PCDHGB2: variants seen among roughly 807,000 people sequenced by gnomAD.
PCDHGB2 encodes protocadherin gamma-B2.
PCDHGB2 carries 55 observed loss-of-function variants against 59.3 expected under a neutral mutation model. That is an observed-to-expected ratio of 0.93 (90% CI 0.75 to 1.16). PCDHGB2 has a LOEUF of 1.16. Ranked by LOEUF, PCDHGB2 falls within the 50% of genes most tolerant of loss-of-function variation. The pLI, the probability that PCDHGB2 is intolerant of heterozygous loss-of-function variation, is 0.00. For missense variants in PCDHGB2, 1,228 were observed against 1,198.5 expected, an observed-to-expected ratio of 1.02 and a Z score of -0.36; for synonymous variants, 516 against 512.0, an observed-to-expected ratio of 1.01 and a Z score of -0.11.
At chr5:141,418,478 G>T (rs777772131) in intron 1 of PCDHGB2, 1 of 1,613,858 alleles carries the variant, frequency 6.2e-7, no homozygotes, top group Non-Finnish European at 8.5e-7. Flanking sequence ...AACGCAGAGC[G>T]CTCACCACTT....
intron 1 of PCDHGB2, chr5:141,423,913 C>T: frequency 7.9e-7 from 1 of 1,269,552 alleles, no homozygotes; most frequent in Non-Finnish European, 1.0e-6. Context: ...AGGGGCCATT[C>T]AACTATGCTG....
intron 1 of PCDHGB2, chr5:141,410,459 A>C (rs2095396770): frequency 6.2e-7 from 1 of 1,613,864 alleles, no homozygotes; most frequent in Admixed American, 1.7e-5. Context: ...TTATTCTTAT[A>C]ATCTGTGCAT....
intron 1 of PCDHGB2, chr5:141,420,411 T>C: frequency 8.1e-7 from 1 of 1,229,398 alleles, no homozygotes; most frequent in Non-Finnish European, 1.1e-6. Context: ...ATGGTTATCA[T>C]TATTAAAACA....
chr5:141,479,860 C>T (rs1374284598), intron 1 of PCDHGB2, among the ~76,000 whole-genome samples: 2 of 152,108 alleles, frequency 1.3e-5, no homozygotes, highest in Admixed American at 6.5e-5. Context: ...AAGGCCTTTG[C>T]CCTGGAGAGA....
rs1421541308 is a variant in PCDHGB2 at position 141,409,559 on chromosome 5, G to C, written c.2421+47003G>C. On this transcript the variant is annotated intron_variant, in intron 1 of 3. Coordinates refer to ENST00000522605, the MANE Select transcript of PCDHGB2 (RefSeq NM_018923.3). The stretch of plus-strand genomic sequence containing the variant: ...CATCAACGACAACGCCCCAGTTTTC[G>C]ACCAGACGTCCTACGTGGTCCACGT... The C allele has an allele frequency of 1.9e-6, 3 of 1,613,936 alleles. No individual in the cohort carries two copies. The highest frequency in any genetic ancestry group is 1.7e-6 in the Non-Finnish European group (2 of 1,179,910).
intron 1 of PCDHGB2, chr5:141,384,681 G>A (rs1373910602): frequency 6.2e-7 from 1 of 1,614,180 alleles, no homozygotes; most frequent in South Asian, 1.1e-5. Context: ...TGGTGGCGGT[G>A]GACAAAGATT....
chr5:141,400,452 A>C, intron 1 of PCDHGB2: 3 of 1,614,038 alleles, frequency 1.9e-6, no homozygotes, highest in Non-Finnish European at 2.5e-6. Context: ...GACAAGACAT[A>C]CTTTGTGGTG....
rs1762339716 is a variant in PCDHGB2 at position 141,362,123 on chromosome 5, T to C, written c.1988T>C (p.Ile663Thr). ...PLSATATLHL[I>T]FADSLQEVLP... Reference sequence around the variant, plus strand: ...TCCGCTACGGCCACGCTGCACCTAATCTTCGCGGATAGCCTGCAAGAGGTA... The same window carrying C: ...TCCGCTACGGCCACGCTGCACCTAACCTTCGCGGATAGCCTGCAAGAGGTA... The change falls in exon 1 of 4, where the codon ATC becomes ACC. Residue 663 changes from isoleucine to threonine, a missense_variant. By Grantham distance (89) the Ile-to-Thr change is moderately conservative. Around this residue, in one of 3 missense-constraint regions of PCDHGB2, gnomAD observed 433 missense variants for 441.8 expected, o/e 0.98. Transcript: ENST00000522605. 1 of 1,613,882 alleles carries C rather than the reference T, an allele frequency of 6.2e-7. No homozygotes were observed. The highest frequency in any genetic ancestry group is 1.3e-5 in the African/African-American group (1 of 74,930).
intron 1 of PCDHGB2, 116 bp downstream of exon 1, chr5:141,362,672 T>A: frequency 8.1e-7 from 1 of 1,241,688 alleles, no homozygotes; most frequent in Non-Finnish European, 1.1e-6. Context: ...TGTTGTGCCT[T>A]AATTGTCTTA....
In PCDHGB2 at chr5:141,362,185, C is replaced by G; in HGVS notation, c.2050C>G (p.Pro684Ala). The change falls in exon 1 of 4, where the codon CCC becomes GCC. Residue 684 changes from proline to alanine, a missense_variant. Pro to Ala is a conservative substitution (Grantham distance 27). Coordinates refer to ENST00000522605, the MANE Select transcript of PCDHGB2 (RefSeq NM_018923.3). Reference protein sequence around the residue: ...DLSDRREPSDPQAKLQFYLVV... With the variant: ...DLSDRREPSDAQAKLQFYLVV... Reference sequence around the variant, plus strand: ...CAGCGACCGCCGGGAGCCCTCTGACCCCCAGGCAAAACTGCAGTTTTACCT... The same window carrying G: ...CAGCGACCGCCGGGAGCCCTCTGACGCCCAGGCAAAACTGCAGTTTTACCT... 6.2e-7 allele frequency: 1 copy of G among 1,614,022 alleles called. No homozygotes were observed.
At chr5:141,463,261 T>G (rs552225283) in intron 1 of PCDHGB2, among the ~76,000 whole-genome samples, 29 of 152,134 alleles carry the variant, frequency 1.9e-4, no homozygotes, top group African/African-American at 6.3e-4. Context: ...TAGTACTCTA[T>G]CCCATAAATT....
At chr5:141,408,953 CTT>C in intron 1 of PCDHGB2, 1 of 1,613,552 alleles carries the variant, frequency 6.2e-7, no homozygotes, top group Non-Finnish European at 8.5e-7. Context: ...TAGAATTAGT[CTT>C]AGTGAAAATC....
At chr5:141,430,774 A>G (rs1269572813) in intron 1 of PCDHGB2, 11 of 1,508,872 alleles carry the variant, frequency 7.3e-6, no homozygotes, top group Non-Finnish European at 8.8e-7. Context: ...TTCCTGCGCG[A>G]CTGCACCGGG....
chr5:141,421,557 C>T (rs764010392), intron 1 of PCDHGB2: 1 of 1,613,932 alleles, frequency 6.2e-7, no homozygotes, highest in South Asian at 1.1e-5. Context: ...TGGAACTTCT[C>T]GTGGAAGACA....
At chr5:141,430,220 G>A (rs1216694883) in intron 1 of PCDHGB2, among the ~76,000 whole-genome samples, 1 of 148,674 alleles carries the variant, frequency 6.7e-6, no homozygotes, top group Non-Finnish European at 1.5e-5. Flanking sequence ...TATATTATAT[G>A]ATTTGTCAAA....
chr5:141,361,391 A>G lies in PCDHGB2; in HGVS notation c.1256A>G (p.Asn419Ser). ...ALDREEIPEY[N>S]LTITATDGGK... ...GACCGGGAGGAGATCCCAGAATACAATCTCACCATCACAGCCACCGACGGG... is the reference window on the plus strand; with the variant it reads ...GACCGGGAGGAGATCCCAGAATACAGTCTCACCATCACAGCCACCGACGGG... Residue 419 changes from asparagine to serine, a missense_variant, in exon 1 of 4, where the codon AAT (asparagine) becomes AGT (serine). Physicochemically the swap from Asn to Ser is conservative, Grantham distance 46 (BLOSUM62 1). Coordinates refer to ENST00000522605, the MANE Select transcript of PCDHGB2 (RefSeq NM_018923.3). 1 of 1,613,912 alleles carries G rather than the reference A, an allele frequency of 6.2e-7. No individual in the cohort carries two copies. Among genetic ancestry groups the G allele is most frequent in the Non-Finnish European group, 8.5e-7 (1 of 1,179,870 alleles).
chr5:141,431,355 C>T lies in PCDHGB2; in HGVS notation c.2422-63452C>T. 1 of 1,614,054 alleles carries T rather than the reference C, an allele frequency of 6.2e-7. No homozygotes were observed. Among genetic ancestry groups the T allele is most frequent in the South Asian group, 1.1e-5 (1 of 91,082 alleles). ...TACCCCGAATTGGTGCTGAAACGCG[C>T]CCTGGACCGCGAAGAAAAGGCTGCT... On this transcript the variant is annotated intron_variant, in intron 1 of 3. Transcript: ENST00000522605. The surrounding 1 kb of genome is among the most constrained non-coding windows in gnomAD (Gnocchi z 4.8).
At chr5:141,393,524 C>T (rs1197723193) in intron 1 of PCDHGB2, 4 of 1,614,010 alleles carry the variant, frequency 2.5e-6, no homozygotes, top group South Asian at 2.2e-5. Context: ...ATACAAATGA[C>T]AATGCCCCGG....
In PCDHGB2 at chr5:141,485,132, T is replaced by C. The variant is rs1020670896; in HGVS notation, c.2422-9675T>C. On this transcript the variant is annotated intron_variant, in intron 1 of 3. Transcript: ENST00000522605. This position sits in a 1 kb window ranked among gnomAD's most constrained non-coding sequence, Gnocchi z 5.7. ...GGCTGTTTGGGGCGGGTCGGCTTCATCCGCGTCTCAGGAGCAAGTAGAGAA... is the reference window on the plus strand; with the variant it reads ...GGCTGTTTGGGGCGGGTCGGCTTCACCCGCGTCTCAGGAGCAAGTAGAGAA... 8.1e-6 allele frequency: 12 copies of C among 1,489,136 alleles called. No individual in the cohort carries two copies. Among genetic ancestry groups the C allele is most frequent in the East Asian group, 2.3e-5 (1 of 44,214 alleles). The allele number at this position is 1,489,136 out of a possible 1,614,324, so 92.2% of individuals were successfully genotyped here.
Sources: gnomAD v4.1 joint callset for allele counts (sites outside exome capture counted in the v4.1 genomes callset) on GRCh38, gnomAD v4.1.1 for gene constraint, gnomAD v4.1.1 regional missense constraint, Gnocchi (gnomAD v3.1) non-coding constraint, MANE v1.5 for transcripts, NCBI Gene and HGNC (gene_info 2026-07-23, HGNC 2026-07-21) for gene names.